The following ACOT13 variants were observed in gnomAD, a reference collection of about 807,000 sequenced individuals.
ACOT13 encodes the protein acyl-coenzyme A thioesterase 13.
ACOT13 carries 10 observed loss-of-function variants against 11.8 expected under a neutral mutation model. The observed-to-expected ratio is 0.85, with a 90% confidence interval of 0.53 to 1.44. The LOEUF (loss-of-function observed/expected upper bound fraction) is 1.44, where lower values mean the gene tolerates loss of function less well. Among genes scored for constraint, ACOT13 ranks in the 40% most tolerant of loss-of-function variants. The probability of loss-of-function intolerance (pLI) is 0.00; values close to 1 mark genes in which losing one functional copy is unlikely to be tolerated. For synonymous variants in ACOT13, 53 were observed against 61.0 expected (o/e 0.87, Z 0.61); for missense variants, 172 against 174.1 (o/e 0.99, Z 0.07).
chr6:24,689,379 G>A (rs1778687705), intron 1 of ACOT13, among the ~76,000 whole-genome samples: 1 of 150,896 alleles, frequency 6.6e-6, no homozygotes, highest in Non-Finnish European at 1.5e-5. Flanking sequence ...TGCGCATGGT[G>A]GCGTGCCTTC....
intron 1 of ACOT13, among the ~76,000 whole-genome samples, chr6:24,676,575 A>G (rs956179021): frequency 6.6e-6 from 1 of 152,156 alleles, no homozygotes; most frequent in Non-Finnish European, 1.5e-5. Context: ...TTGATTTTGT[A>G]TCCTGAGACT....
intron 1 of ACOT13, among the ~76,000 whole-genome samples, chr6:24,671,613 T>G (rs183959002): frequency 5.9e-5 from 9 of 151,474 alleles, no homozygotes; most frequent in African/African-American, 2.2e-4. Flanking sequence ...AAGTATAATT[T>G]AAAAAAACAA....
chr6:24,700,148 C>G (rs191301476), intron 2 of ACOT13, among the ~76,000 whole-genome samples: 13 of 152,246 alleles, frequency 8.5e-5, no homozygotes, highest in Admixed American at 6.5e-4. Context: ...AAGCGAGGTT[C>G]CAAAACAACA....
At position 24,667,088 on chromosome 6, in the gene ACOT13, C is replaced by T. The variant is rs779115139; in HGVS notation, c.-176C>T. On this transcript the variant is annotated 5_prime_UTR_variant, in exon 1 of 3. Transcript: ENST00000230048. Reference sequence around the variant, plus strand: ...GTGCGAGGAAAGTCAGTGAGCAAATCGCGGACCACCGGGGCTGCCAGCTCG... The same window carrying T: ...GTGCGAGGAAAGTCAGTGAGCAAATTGCGGACCACCGGGGCTGCCAGCTCG... 2.4e-6 allele frequency: 2 copies of T among 844,110 alleles called. No homozygotes were observed. The highest frequency in any genetic ancestry group is 3.5e-5 in the South Asian group (2 of 57,224). The allele number at this position is 844,110 out of a possible 1,614,324, so 52.3% of individuals were successfully genotyped here. A position where few individuals can be genotyped will look rare whatever the true frequency, so the allele number is the denominator to read the frequency against.
chr6:24,683,194 T>G (rs899980963), intron 1 of ACOT13, among the ~76,000 whole-genome samples: 4 of 152,202 alleles, frequency 2.6e-5, no homozygotes, highest in Non-Finnish European at 4.4e-5. Context: ...CCTTTATGGT[T>G]ACCAAATGTG....
chr6:24,688,958 A>G (rs1028829093), intron 1 of ACOT13, among the ~76,000 whole-genome samples: 1 of 152,228 alleles, frequency 6.6e-6, no homozygotes, highest in African/African-American at 2.4e-5. Flanking sequence ...TTCACAGAAA[A>G]AAGGCAATAA....
In ACOT13 at chr6:24,698,037, C is replaced by T; in HGVS notation, c.236C>T (p.Ala79Val). The change falls in exon 2 of 3, where the codon GCA (alanine) becomes GTA (valine). Residue 79 changes from alanine to valine, a missense_variant. By Grantham distance (64) the Ala-to-Val change is moderately conservative. Coordinates refer to ENST00000230048, the MANE Select transcript of ACOT13 (RefSeq NM_018473.4). ...TMALLCTERGAPGVSVDMNIT... is the reference protein window; with the variant it reads ...TMALLCTERGVPGVSVDMNIT... ...GCTCTGCTATGCACGGAAAGGGGAG[C>T]ACCCGGAGTCAGTGTCGATATGAAC... 1.9e-6 allele frequency: 3 copies of T among 1,609,766 alleles called. No homozygotes were observed. The highest frequency in any genetic ancestry group is 2.5e-6 in the Non-Finnish European group (3 of 1,178,356).
At chr6:24,681,789 AGT>A (rs1403376507) in intron 1 of ACOT13, among the ~76,000 whole-genome samples, 1 of 152,192 alleles carries the variant, frequency 6.6e-6, no homozygotes, top group South Asian at 2.1e-4. Flanking sequence ...AGGAAATGAA[AGT>A]GTGAACCATT....
chr6:24,668,704 C>T (rs764433645), intron 1 of ACOT13, among the ~76,000 whole-genome samples: 1 of 152,242 alleles, frequency 6.6e-6, no homozygotes. Context: ...AGTGAAGTTA[C>T]AAAGTTGCCC....
At chr6:24,673,485 C>A (rs533736945) in intron 1 of ACOT13, among the ~76,000 whole-genome samples, 1 of 152,214 alleles carries the variant, frequency 6.6e-6, no homozygotes, top group Admixed American at 6.5e-5. Context: ...CTCAGCCTGC[C>A]AAGTAGCTGG....
In ACOT13 at chr6:24,668,117, A is replaced by G. The variant is rs535128881; in HGVS notation, c.81+773A>G. Among the ~76,000 whole-genome samples the G allele has an allele frequency of 2.4e-4, 37 of 151,932 alleles. No individual in the cohort carries two copies. The East Asian group carries it at 7.0e-3, about 29-fold the overall frequency. On this transcript the variant is annotated intron_variant, in intron 1 of 2. Coordinates refer to ENST00000230048, the MANE Select transcript of ACOT13 (RefSeq NM_018473.4). ...GAGACAGGGTTTCTCCATGTTGGTCAGGCTGCTCTCGAACTCCCGACCTCA... is the reference window on the plus strand; with the variant it reads ...GAGACAGGGTTTCTCCATGTTGGTCGGGCTGCTCTCGAACTCCCGACCTCA...
chr6:24,670,648 CAAAT>C (rs1282970168), intron 1 of ACOT13, among the ~76,000 whole-genome samples: 1 of 152,152 alleles, frequency 6.6e-6, no homozygotes, highest in Admixed American at 6.5e-5. Context: ...AGAATACTCA[CAAAT>C]AGTTTACAAA....
At chr6:24,691,387 C>T (rs1224218004) in intron 1 of ACOT13, among the ~76,000 whole-genome samples, 4 of 151,880 alleles carry the variant, frequency 2.6e-5, no homozygotes, top group Admixed American at 2.0e-4. Context: ...AACGCCTGCA[C>T]GCAATGGAAG....
intron 1 of ACOT13, among the ~76,000 whole-genome samples, chr6:24,681,507 A>T (rs79014373): frequency 6.6e-6 from 1 of 151,258 alleles, no homozygotes. Flanking sequence ...TTTTTTTTTT[A>T]TTCTATCTTT....
intron 1 of ACOT13, among the ~76,000 whole-genome samples, chr6:24,691,010 ATTTG>A (rs1384412900): frequency 2.0e-5 from 3 of 152,114 alleles, no homozygotes; most frequent in East Asian, 1.9e-4. Flanking sequence ...ATATCTGCTG[ATTTG>A]TTTGTCTTCC....
At chr6:24,678,374 C>A (rs1778490908) in intron 1 of ACOT13, among the ~76,000 whole-genome samples, 1 of 152,118 alleles carries the variant, frequency 6.6e-6, no homozygotes, top group Non-Finnish European at 1.5e-5. Flanking sequence ...CACTAACCTC[C>A]ACTGTCCATT....
chr6:24,681,902 G>C (rs908665768), intron 1 of ACOT13, among the ~76,000 whole-genome samples: 8 of 152,206 alleles, frequency 5.3e-5, no homozygotes, highest in Non-Finnish European at 1.0e-4. Context: ...ATGAGGTATG[G>C]GTCAGAAGGA....
intron 1 of ACOT13, chr6:24,687,825 C>G: frequency 2.1e-6 from 2 of 930,942 alleles, no homozygotes; most frequent in South Asian, 4.2e-5. Context: ...ATTTCTCCTG[C>G]TTCAGCCTCC....
rs927668318 is a variant in ACOT13, at chr6:24,701,917, G to A, written c.*302G>A. The A allele has an allele frequency of 8.5e-6, 2 of 234,474 alleles. No individual in the cohort carries two copies. Among genetic ancestry groups the A allele is most frequent in the Admixed American group, 5.5e-5 (1 of 18,332 alleles). The allele number at this position is 234,474 out of a possible 1,614,324, so 14.5% of individuals were successfully genotyped here. A position where few individuals can be genotyped will look rare whatever the true frequency, so the allele number is the denominator to read the frequency against. On this transcript the variant is annotated 3_prime_UTR_variant, in exon 3 of 3. Transcript: ENST00000230048. ...CAGTTAAGATTAAAACTAAAGTCCA[G>A]TGTTAAGCTAAAGGAGAAATAGAAA...
Sources: allele counts gnomAD v4.1 joint callset (sites outside exome capture counted in the v4.1 genomes callset), GRCh38; gene constraint gnomAD v4.1.1; transcripts MANE v1.5; gene names NCBI Gene and HGNC (gene_info 2026-07-23, HGNC 2026-07-21).